ITGBL1: variants seen among roughly 807,000 people sequenced by gnomAD.
The protein encoded by ITGBL1 is integrin beta-like protein 1.
In ITGBL1, 51 loss-of-function variants were observed where a neutral mutation model predicts 68.5. That is an observed-to-expected ratio of 0.74 (90% CI 0.59 to 0.94). ITGBL1 has a LOEUF of 0.94. Ranked by LOEUF, ITGBL1 falls within the 40% of genes least tolerant of loss-of-function variation. The probability of loss-of-function intolerance (pLI) is 0.00; values close to 1 mark genes in which losing one functional copy is unlikely to be tolerated. For synonymous variants in ITGBL1, 209 were observed against 227.3 expected, an observed-to-expected ratio of 0.92 and a Z score of 0.72; for missense variants, 649 against 647.4, an observed-to-expected ratio of 1.00 and a Z score of -0.03.
intron 7 of ITGBL1, among the ~76,000 whole-genome samples, chr13:101,605,026 GTATA>G (rs1425127035): frequency 7.4e-6 from 1 of 134,386 alleles, no homozygotes; most frequent in Non-Finnish European, 1.6e-5. Flanking sequence ...ATGTGTATAT[GTATA>G]TATACATATA....
chr13:101,707,634 G>A (rs760378114), intron 9 of ITGBL1, among the ~76,000 whole-genome samples: 37 of 151,976 alleles, frequency 2.4e-4, no homozygotes, highest in Admixed American at 1.2e-3. Flanking sequence ...GAGGTCAGGA[G>A]TTCTAGACCA....
At chr13:101,481,171 C>CAT (rs1353150763) in intron 2 of ITGBL1, among the ~76,000 whole-genome samples, 3 of 139,180 alleles carry the variant, frequency 2.2e-5, no homozygotes, top group African/African-American at 5.4e-5. Context: ...TGAGAGAGAG[C>CAT]ATATATATAC....
At chr13:101,675,628 C>A (rs528572396) in intron 7 of ITGBL1, among the ~76,000 whole-genome samples, 1 of 152,266 alleles carries the variant, frequency 6.6e-6, no homozygotes, top group Non-Finnish European at 1.5e-5. Context: ...TTTAAAGAAT[C>A]TATCTTCAAA....
chr13:101,491,742 G>A (rs759847869), intron 2 of ITGBL1, among the ~76,000 whole-genome samples: 8 of 152,056 alleles, frequency 5.3e-5, no homozygotes, highest in East Asian at 1.9e-4. Flanking sequence ...CGTCATCTGC[G>A]TTAGGTATTT....
intron 2 of ITGBL1, among the ~76,000 whole-genome samples, chr13:101,464,366 C>G (rs1201218347): frequency 1.3e-5 from 2 of 152,030 alleles, no homozygotes; most frequent in African/African-American, 4.8e-5. Flanking sequence ...TTTTGCCCAT[C>G]CATGGCCTCT....
At position 101,659,401 on chromosome 13, in the gene ITGBL1, C is replaced by T. The variant is rs185260877; in HGVS notation, c.1016-33184C>T. Among the ~76,000 whole-genome samples, 684 of 152,166 alleles carry T rather than the reference C, an allele frequency of 4.5e-3. 7 individuals carry two copies. Among genetic ancestry groups the T allele is most frequent in the African/African-American group, 0.015 (643 of 41,492 alleles). The stretch of plus-strand genomic sequence containing the variant: ...GAAAATGATTTATTTTAATTAAGAT[C>T]GTTCTCCCAGTAGCCTTTCTCAAGA... On this transcript the variant is annotated intron_variant, in intron 7 of 10. Transcript: ENST00000376180.
At chr13:101,613,162 C>T (rs148899808) in intron 7 of ITGBL1, among the ~76,000 whole-genome samples, 3 of 152,068 alleles carry the variant, frequency 2.0e-5, no homozygotes, top group African/African-American at 7.2e-5. Context: ...TGTGAGAGAC[C>T]CTTGAAACAG....
chr13:101,653,706 T>TTC (rs1374192604), intron 7 of ITGBL1, among the ~76,000 whole-genome samples: 1 of 151,790 alleles, frequency 6.6e-6, no homozygotes, highest in Admixed American at 6.6e-5. Context: ...TTCTTTTTTT[T>TTC]TGAGACAGAG....
At chr13:101,669,788 C>G (rs1278523664) in intron 7 of ITGBL1, among the ~76,000 whole-genome samples, 1 of 152,178 alleles carries the variant, frequency 6.6e-6, no homozygotes, top group Non-Finnish European at 1.5e-5. Context: ...TTTTAAAATA[C>G]CAATTTAATT....
At chr13:101,538,770 A>G (rs138029587) in intron 2 of ITGBL1, among the ~76,000 whole-genome samples, 1 of 152,192 alleles carries the variant, frequency 6.6e-6, no homozygotes, top group African/African-American at 2.4e-5. Context: ...GGAAAATTAC[A>G]TGAGAGCAGA....
At chr13:101,473,753 G>A (rs1050133034) in intron 2 of ITGBL1, among the ~76,000 whole-genome samples, 11 of 152,112 alleles carry the variant, frequency 7.2e-5, no homozygotes, top group Non-Finnish European at 1.6e-4. Context: ...AGAGGGTAAA[G>A]AGGAATTTGT....
chr13:101,525,688 T>TA (rs2049364848), intron 2 of ITGBL1, among the ~76,000 whole-genome samples: 1 of 152,094 alleles, frequency 6.6e-6, no homozygotes, highest in South Asian at 2.1e-4. Flanking sequence ...GTTTTACACT[T>TA]ACTATTTCTA....
chr13:101,719,972 A>G (rs1482107179), downstream of ITGBL1: 4 of 152,144 alleles, frequency 2.6e-5, no homozygotes, highest in Admixed American at 6.6e-5. Flanking sequence ...GAGTTTACCA[A>G]CTTATTTACA....
Position 101,452,832 on chromosome 13 carries a change from G to A in ITGBL1, c.-2G>A. On this transcript the variant is annotated 5_prime_UTR_variant, in exon 1 of 11. Coordinates refer to ENST00000376180, the MANE Select transcript of ITGBL1 (RefSeq NM_004791.3). Reference sequence around the variant, plus strand: ...TCGCCCGGAGCAGCCCAGGAGCTCAGCATGCGTCCCCCAGGCTTCAGGAAC... The same window carrying A: ...TCGCCCGGAGCAGCCCAGGAGCTCAACATGCGTCCCCCAGGCTTCAGGAAC... 1 of 1,613,692 alleles carries A rather than the reference G, an allele frequency of 6.2e-7. No homozygotes were observed. The highest frequency in any genetic ancestry group is 8.5e-7 in the Non-Finnish European group (1 of 1,179,690).
At chr13:101,689,598 C>G (rs916292429) in intron 7 of ITGBL1, among the ~76,000 whole-genome samples, 38 of 152,030 alleles carry the variant, frequency 2.5e-4, no homozygotes, top group African/African-American at 8.9e-4. Flanking sequence ...GAGCAAGACT[C>G]TGTCTCTAAA....
At chr13:101,576,499 T>C (rs1231306593) in intron 4 of ITGBL1, among the ~76,000 whole-genome samples, 1 of 152,202 alleles carries the variant, frequency 6.6e-6, no homozygotes, top group Non-Finnish European at 1.5e-5. Context: ...TCTGAACTTA[T>C]ATTTCACTCC....
chr13:101,457,527 G>A (rs1026815821), intron 2 of ITGBL1, among the ~76,000 whole-genome samples: 2 of 152,172 alleles, frequency 1.3e-5, no homozygotes, highest in South Asian at 4.1e-4. Flanking sequence ...CCACTTGTTC[G>A]TGGCACATGC....
chr13:101,550,352 C>T (rs186536008), intron 2 of ITGBL1, among the ~76,000 whole-genome samples: 1 of 152,086 alleles, frequency 6.6e-6, no homozygotes, highest in Admixed American at 6.6e-5. Flanking sequence ...TACTTACTGC[C>T]CACTGTGAAA....
In ITGBL1 at chr13:101,567,766, C is replaced by T. The variant is rs267603742; in HGVS notation, c.384C>T (p.Tyr128=). The T allele has an allele frequency of 1.2e-6, 2 of 1,613,098 alleles. No individual in the cohort carries two copies. The highest frequency in any genetic ancestry group is 1.7e-6 in the Non-Finnish European group (2 of 1,179,410). Residue 128 remains tyrosine (Y), a synonymous_variant, in exon 3 of 11, where the codon TAC becomes TAT. Transcript: ENST00000376180. ...GATGGTATGGGGATGCTTGCCAGTA[C>T]CCAACTAACTGTGACTTGACAAAGA... ...DQGWYGDACQ[Y]PTNCDLTKKK... is the part of the protein sequence containing the mutation.
Sources: gnomAD v4.1 joint callset for allele counts (sites outside exome capture counted in the v4.1 genomes callset) on GRCh38, gnomAD v4.1.1 for gene constraint, MANE v1.5 for transcripts, NCBI Gene and HGNC (gene_info 2026-07-23, HGNC 2026-07-21) for gene names.